The following BDP1 variants were observed in gnomAD, a reference collection of about 807,000 sequenced individuals.
The protein encoded by BDP1 is BDP1 general transcription factor IIIB subunit.
BDP1 carries 169 observed loss-of-function variants against 266.6 expected under a neutral mutation model. The ratio of observed to expected loss-of-function variants is 0.63; its 90% CI spans 0.56 to 0.72. The LOEUF is 0.72. Ranked by LOEUF, BDP1 falls within the 30% of genes least tolerant of loss-of-function variation. The pLI is 0.00. For synonymous variants in BDP1, 1,090 were observed against 1,022.4 expected, an observed-to-expected ratio of 1.07 and a Z score of -1.26; for missense variants, 3,015 against 3,053.8, an observed-to-expected ratio of 0.99 and a Z score of 0.30.
chr5:71,477,883 T>C (rs887658743), intron 7 of BDP1, among the ~76,000 whole-genome samples: 7 of 152,002 alleles, frequency 4.6e-5, no homozygotes, highest in Non-Finnish European at 8.8e-5. Context: ...CCTCCCAGAG[T>C]GCAGGGATTG....
the BDP1 span, among the ~76,000 whole-genome samples, chr5:71,576,918 T>C: frequency 6.6e-6 from 1 of 152,230 alleles, no homozygotes; most frequent in South Asian, 2.1e-4. Context: ...GCCATAATAC[T>C]ATCCAATAAT....
At chr5:71,504,088 C>T (rs544302784) in intron 15 of BDP1, among the ~76,000 whole-genome samples, 56 of 151,650 alleles carry the variant, frequency 3.7e-4, no homozygotes, top group Admixed American at 2.5e-3. Context: ...CTGGCTAACA[C>T]GGTGAAACCC....
At chr5:71,564,205 A>G (rs1743880496) in intron 38 of BDP1, among the ~76,000 whole-genome samples, 1 of 152,076 alleles carries the variant, frequency 6.6e-6, no homozygotes, top group Admixed American at 6.6e-5. Context: ...TCATTGATAT[A>G]TCTGTCATTC....
intron 37 of BDP1, among the ~76,000 whole-genome samples, chr5:71,561,256 C>T (rs1561793992): frequency 6.6e-6 from 1 of 152,054 alleles, no homozygotes; most frequent in South Asian, 2.1e-4. Flanking sequence ...ATAAAATTAG[C>T]TGGGCATGTT....
intron 34 of BDP1, 48 bp downstream of exon 34, chr5:71,549,654 G>T (rs1424337245): frequency 6.7e-7 from 1 of 1,482,186 alleles, no homozygotes; most frequent in Non-Finnish European, 9.2e-7. Flanking sequence ...AGTGATTTAT[G>T]AACTAAGTAG....
At chr5:71,504,987 A>G (rs1764499076) in intron 16 of BDP1, among the ~76,000 whole-genome samples, 1 of 152,144 alleles carries the variant, frequency 6.6e-6, no homozygotes, top group Non-Finnish European at 1.5e-5. Context: ...GTTAACATGA[A>G]TAGCCTTATC....
chr5:71,495,232 A>G lies in BDP1; in HGVS notation c.1641-18A>G. Reference sequence around the variant, plus strand: ...CATTAGGAATTCTTTTCTCTCTGAAATATTTTCTTTTTTTTAGTAATCAAC... The same window carrying G: ...CATTAGGAATTCTTTTCTCTCTGAAGTATTTTCTTTTTTTTAGTAATCAAC... On this transcript the variant is annotated intron_variant, in intron 11 of 38. Transcript: ENST00000358731. 6.8e-7 allele frequency: 1 copy of G among 1,480,512 alleles called. No homozygotes were observed. The highest frequency in any genetic ancestry group is 9.1e-7 in the Non-Finnish European group (1 of 1,100,514). 91.7% of individuals were successfully genotyped at this position (1,480,512 alleles called of 1,614,324 possible). A position where few individuals can be genotyped will look rare whatever the true frequency, so the allele number is the denominator to read the frequency against.
At chr5:71,523,369 C>T (rs540630953) in intron 24 of BDP1, among the ~76,000 whole-genome samples, 1 of 152,192 alleles carries the variant, frequency 6.6e-6, no homozygotes, top group African/African-American at 2.4e-5. Flanking sequence ...GGCTGGAGTA[C>T]AATTGCGTGA....
At chr5:71,483,952 A>G (rs1417440781) in intron 8 of BDP1, 56 bp downstream of exon 8, 8 of 1,364,458 alleles carry the variant, frequency 5.9e-6, no homozygotes, top group Non-Finnish European at 7.2e-6. Flanking sequence ...AAAAATGACC[A>G]GTCTTTTGTC....
intron 35 of BDP1, among the ~76,000 whole-genome samples, chr5:71,556,598 T>A (rs1313825901): frequency 1.3e-5 from 2 of 152,210 alleles, no homozygotes; most frequent in Non-Finnish European, 2.9e-5. Context: ...CTCTACTTGA[T>A]TGTGATGTAG....
intron 1 of BDP1, among the ~76,000 whole-genome samples, chr5:71,456,762 A>G (rs1295294744): frequency 6.6e-6 from 1 of 152,248 alleles, no homozygotes; most frequent in African/African-American, 2.4e-5. Context: ...TGCAGGGGAT[A>G]TAGCAGAATA....
rs530404161 is a variant in BDP1, at chr5:71,518,858, A to C, written c.4991+1406A>C. 3.8e-3 allele frequency among the ~76,000 whole-genome samples: 492 copies of C among 129,638 alleles called. 9 individuals carry two copies. Among genetic ancestry groups the C allele is most frequent in the African/African-American group, 0.013 (452 of 33,956 alleles). 85.0% of individuals were successfully genotyped at this position (129,638 alleles called of 152,430 possible). On this transcript the variant is annotated intron_variant, in intron 22 of 38. Coordinates refer to ENST00000358731, the MANE Select transcript of BDP1 (RefSeq NM_018429.3). ...TACTTTTTTTTTTTTTTTTTTGGAGACAGAGTCTCAGAGTGCAGTGGCTTG... is the reference window on the plus strand; with the variant it reads ...TACTTTTTTTTTTTTTTTTTTGGAGCCAGAGTCTCAGAGTGCAGTGGCTTG...
intron 33 of BDP1, 22 bp from the exon 34 acceptor site, chr5:71,549,398 A>G (rs759477157): frequency 6.4e-7 from 1 of 1,572,136 alleles, no homozygotes; most frequent in Admixed American, 1.9e-5. Context: ...CTTTTTTATT[A>G]CTAACTTTTA....
At chr5:71,553,405 A>C (rs7729762) in intron 35 of BDP1, 85 bp downstream of exon 35, 2 of 889,438 alleles carry the variant, frequency 2.2e-6, no homozygotes, top group South Asian at 3.6e-5. Context: ...TTTTTCCTTT[A>C]TTCTCTTTAA....
chr5:71,521,291 GT>G lies in BDP1; in HGVS notation c.4992-981del, dbSNP rs1206948176. Among the ~76,000 whole-genome samples, 588 of 133,506 alleles carry G rather than the reference GT, an allele frequency of 4.4e-3. 2 individuals are homozygous for G. The highest frequency in any genetic ancestry group is 0.013 in the African/African-American group (463 of 36,654). The allele number at this position is 133,506 out of a possible 152,430, so 87.6% of individuals were successfully genotyped here. ...TTTATAAATATTCAGGTTTATATTA[GT>G]TTTTTTTTTTTTTTTTGGAGACAGA... On this transcript the variant is annotated intron_variant, in intron 22 of 38. Transcript: ENST00000358731.
chr5:71,512,436 T>G lies in BDP1; in HGVS notation c.4247+8T>G, dbSNP rs1764980235. The G allele has an allele frequency of 1.3e-6, 2 of 1,496,476 alleles. No individual in the cohort carries two copies. Among genetic ancestry groups the G allele is most frequent in the East Asian group, 4.7e-5 (2 of 42,182 alleles). The allele number at this position is 1,496,476 out of a possible 1,614,324, so 92.7% of individuals were successfully genotyped here. ...TTCAGATATTAATTTAAGGTACAAG[T>G]GTGTTTTTAAAGAAAAAGATATTAA... is the stretch of plus-strand genomic sequence containing the variant. On this transcript the variant is annotated splice_region_variant and intron_variant, in intron 18 of 38. Transcript: ENST00000358731.
intron 11 of BDP1, among the ~76,000 whole-genome samples, chr5:71,492,435 G>C (rs1231778323): frequency 6.6e-6 from 1 of 152,008 alleles, no homozygotes; most frequent in Non-Finnish European, 1.5e-5. Context: ...ATGTCCTTCT[G>C]AACAGGTAGA....
rs373953402 is a variant in BDP1, at chr5:71,509,785, T to G, written c.2693T>G (p.Met898Arg). 7 of 1,613,944 alleles carry G rather than the reference T, an allele frequency of 4.3e-6. No homozygotes were observed. The African/African-American group carries it at 8.0e-5, about 18-fold the overall frequency. Residue 898 changes from methionine (M) to arginine (R), a missense_variant, in exon 17 of 39, where the codon ATG becomes AGG. Met to Arg is a moderately conservative substitution (Grantham distance 91). Transcript: ENST00000358731. ...GATGTGATTGATGACACCATAGAAA[T>G]GGAGACAGGTCTGAAAGCAATGGGA... Reference protein sequence around the residue: ...ILDVIDDTIEMETGLKAMGRE... With the variant: ...ILDVIDDTIERETGLKAMGRE...
At chr5:71,551,974 G>A (rs1330057088) in intron 34 of BDP1, among the ~76,000 whole-genome samples, 5 of 146,874 alleles carry the variant, frequency 3.4e-5, no homozygotes, top group Non-Finnish European at 7.6e-5. Context: ...CCTCCCTCCC[G>A]GACGGGGCGG....
Sources: gnomAD v4.1 joint callset for allele counts (sites outside exome capture counted in the v4.1 genomes callset) on GRCh38, gnomAD v4.1.1 for gene constraint, MANE v1.5 for transcripts, NCBI Gene and HGNC (gene_info 2026-07-23, HGNC 2026-07-21) for gene names.